Variants in IQCH observed in about 807,000 individuals in gnomAD.
The protein encoded by IQCH is IQ motif containing H.
A neutral mutation model predicts 117.0 loss-of-function variants in IQCH; 98 were observed. The ratio of observed to expected loss-of-function variants is 0.84; its 90% CI spans 0.71 to 0.99. The LOEUF is 0.99. Among genes scored for constraint, IQCH ranks in the 50% least tolerant of loss-of-function variants. The pLI, the probability that IQCH is intolerant of heterozygous loss-of-function variation, is 0.00. For synonymous variants in IQCH, 412 were observed against 448.2 expected (o/e 0.92, Z 1.02); for missense variants, 1,102 against 1,243.8 (o/e 0.89, Z 1.72).
rs1377348035 is a variant in IQCH at position 67,426,843 on chromosome 15, AAGC to A, written c.2505+5268_2505+5270del. ...ATTTTTAAAATAAACAAAATTAGCC[AAGC>A]ATAATGGCACTCATCTGTGATTCCA... On this transcript the variant is annotated intron_variant, in intron 16 of 20. Coordinates refer to ENST00000335894, the MANE Select transcript of IQCH (RefSeq NM_001031715.3). This position sits in a 1 kb window ranked among gnomAD's most constrained non-coding sequence, Gnocchi z 5.1. 4.2e-4 allele frequency among the ~76,000 whole-genome samples: 64 copies of A among 152,018 alleles called. 1 individual carries two copies. Among genetic ancestry groups the A allele is most frequent in the Admixed American group, 3.4e-3 (52 of 15,252 alleles).
At position 67,408,424 on chromosome 15, in the gene IQCH, C is replaced by G. The variant is rs1034454167; in HGVS notation, c.2097+8119C>G. On this transcript the variant is annotated intron_variant, in intron 14 of 20. Transcript: ENST00000335894. The surrounding 1 kb of genome is among the most constrained non-coding windows in gnomAD (Gnocchi z 4.2). ...TGACTGTGCCAGATCCAACAAAAAT[C>G]CTGACTTTGGAATTCACTAATTTAC... The G allele has an allele frequency of 6.6e-6, 1 of 152,188 alleles. No individual in the cohort carries two copies. The highest frequency in any genetic ancestry group is 1.5e-5 in the Non-Finnish European group (1 of 68,042). The allele number at this position is 152,188 out of a possible 1,614,324, so 9.4% of individuals were successfully genotyped here.
In IQCH at chr15:67,424,753, C is replaced by T. The variant is rs546498925; in HGVS notation, c.2505+3176C>T. ...TTTTCCTTGTCCCTTCCCATAAATA[C>T]TTCAGTATATGATCATTTGTGTTAT... On this transcript the variant is annotated intron_variant, in intron 16 of 20. Coordinates refer to ENST00000335894, the MANE Select transcript of IQCH (RefSeq NM_001031715.3). This position sits in a 1 kb window ranked among gnomAD's most constrained non-coding sequence, Gnocchi z 4.9. 1.3e-5 allele frequency among the ~76,000 whole-genome samples: 2 copies of T among 152,306 alleles called. No individual in the cohort carries two copies. Among genetic ancestry groups the T allele is most frequent in the East Asian group, 3.9e-4 (2 of 5,186 alleles).
Position 67,454,436 on chromosome 15 carries a change from C to T in IQCH, c.2506-10691C>T, listed in dbSNP as rs1277079622. Among the ~76,000 whole-genome samples the T allele has an allele frequency of 6.6e-6, 1 of 152,206 alleles. No individual in the cohort carries two copies. The highest frequency in any genetic ancestry group is 1.5e-5 in the Non-Finnish European group (1 of 68,036). On this transcript the variant is annotated intron_variant, in intron 16 of 20. Transcript: ENST00000335894. The surrounding 1 kb of genome is among the most constrained non-coding windows in gnomAD (Gnocchi z 5.2). ...CCTCCCAAAGTATTCAAAATTCACACTTTTAAAATATACATTACAATGGTT... is the reference window on the plus strand; with the variant it reads ...CCTCCCAAAGTATTCAAAATTCACATTTTTAAAATATACATTACAATGGTT...
rs1971032126 is a variant in IQCH, at chr15:67,384,158, A to G, written c.1373-778A>G. 1.3e-5 allele frequency among the ~76,000 whole-genome samples: 2 copies of G among 152,160 alleles called. No individual in the cohort carries two copies. Among genetic ancestry groups the G allele is most frequent in the African/African-American group, 4.8e-5 (2 of 41,444 alleles). ...AAAAAGTTACACCTACAGTTGTTGA[A>G]TTTCATATAAGCAGTTATACCTGCT... On this transcript the variant is annotated intron_variant, in intron 10 of 20. Coordinates refer to ENST00000335894, the MANE Select transcript of IQCH (RefSeq NM_001031715.3). The surrounding 1 kb of genome is among the most constrained non-coding windows in gnomAD (Gnocchi z 4.3).
At chr15:67,497,024 C>CAAAAAAAA (rs753821092) in intron 20 of IQCH, among the ~76,000 whole-genome samples, 1 of 35,822 alleles carries the variant, frequency 2.8e-5, no homozygotes, top group African/African-American at 1.0e-4. Context: ...GACTCCGTCT[C>CAAAAAAAA]AAAAAAAAAA....
At chr15:67,319,030 A>G (rs960998988) in intron 4 of IQCH, among the ~76,000 whole-genome samples, 1 of 152,182 alleles carries the variant, frequency 6.6e-6, no homozygotes, top group Admixed American at 6.5e-5. Flanking sequence ...GCTCGAGACC[A>G]TCCTGGCGAA....
chr15:67,484,815 C>G (rs1233587842), intron 18 of IQCH, among the ~76,000 whole-genome samples: 2 of 151,920 alleles, frequency 1.3e-5, no homozygotes, highest in Non-Finnish European at 2.9e-5. Context: ...CTCTACTGGT[C>G]TGCCAAAAAC....
rs1966971109 is a variant in IQCH, at chr15:67,300,463, T to A, written c.387+20951T>A. Among the ~76,000 whole-genome samples the A allele has an allele frequency of 2.6e-5, 4 of 152,338 alleles. No individual in the cohort carries two copies. In the South Asian group the frequency reaches 8.3e-4, roughly 32 times the overall value. On this transcript the variant is annotated intron_variant, in intron 4 of 20. Coordinates refer to ENST00000335894, the MANE Select transcript of IQCH (RefSeq NM_001031715.3). ...ACTTGACGTCTATTGTTCTTCATAT[T>A]ACCTAAGACAGTGGTTGAGAGAATG...
intron 16 of IQCH, among the ~76,000 whole-genome samples, chr15:67,428,847 CAA>C (rs541782495): frequency 3.2e-4 from 26 of 81,184 alleles, no homozygotes; most frequent in Admixed American, 5.4e-4. Flanking sequence ...GACTCTGTCT[CAA>C]AAAAAAAAAA....
intron 13 of IQCH, among the ~76,000 whole-genome samples, chr15:67,399,545 C>G (rs1451657299): frequency 6.6e-6 from 1 of 152,160 alleles, no homozygotes; most frequent in Non-Finnish European, 1.5e-5. Context: ...CTTTATCTGT[C>G]TTGTTCTAAA....
chr15:67,277,891 A>G (rs1966195671), intron 3 of IQCH, among the ~76,000 whole-genome samples: 1 of 152,124 alleles, frequency 6.6e-6, no homozygotes, highest in African/African-American at 2.4e-5. Flanking sequence ...GTTTCCTTAG[A>G]AACCCCTTCT....
intron 1 of IQCH, among the ~76,000 whole-genome samples, chr15:67,258,896 G>T (rs931088096): frequency 6.6e-6 from 1 of 152,120 alleles, no homozygotes; most frequent in East Asian, 1.9e-4. Flanking sequence ...CCCAAGTCTG[G>T]TTAACTTTTT....
chr15:67,267,325 A>G (rs1965718214), intron 3 of IQCH, among the ~76,000 whole-genome samples: 1 of 152,114 alleles, frequency 6.6e-6, no homozygotes, highest in Non-Finnish European at 1.5e-5. Context: ...TTTTATTTGC[A>G]GTTTTCTTTC....
intron 15 of IQCH, among the ~76,000 whole-genome samples, chr15:67,420,603 G>T (rs1266597138): frequency 6.6e-6 from 1 of 152,162 alleles, no homozygotes; most frequent in Non-Finnish European, 1.5e-5. Context: ...CCACAAATTA[G>T]CCAGAAAGAT....
intron 8 of IQCH, among the ~76,000 whole-genome samples, chr15:67,363,338 C>T (rs1382301127): frequency 2.7e-5 from 4 of 150,200 alleles, no homozygotes; most frequent in South Asian, 2.1e-4. Flanking sequence ...CTAGTTCAAG[C>T]GATTCTCCTG....
rs890286146 is a variant in IQCH at position 67,481,751 on chromosome 15, T to C, written c.2799+5933T>C. On this transcript the variant is annotated intron_variant, in intron 18 of 20. Transcript: ENST00000335894. The surrounding 1 kb of genome is among the most constrained non-coding windows in gnomAD (Gnocchi z 4.1). ...AAGAAGTATCTAGAAAAGAACTCCA[T>C]GTTGTAGCTATTGCTACTTGTAGCT... is the stretch of plus-strand genomic sequence containing the variant. Among the ~76,000 whole-genome samples, 1 of 152,360 alleles carries C rather than the reference T, an allele frequency of 6.6e-6. No individual in the cohort carries two copies. The highest frequency in any genetic ancestry group is 1.9e-4 in the East Asian group (1 of 5,196).
rs1227762963 is a variant in IQCH, at chr15:67,476,327, G to A, written c.2799+509G>A. On this transcript the variant is annotated intron_variant, in intron 18 of 20. Transcript: ENST00000335894. This position sits in a 1 kb window ranked among gnomAD's most constrained non-coding sequence, Gnocchi z 4.1. ...AGGGCCTGCTTCCTGGCTTGTAAATGGCTGCCTCCTTGCGGTGTCCTCACA... is the reference window on the plus strand; with the variant it reads ...AGGGCCTGCTTCCTGGCTTGTAAATAGCTGCCTCCTTGCGGTGTCCTCACA... Among the ~76,000 whole-genome samples, 2 of 152,214 alleles carry A rather than the reference G, an allele frequency of 1.3e-5. No homozygotes were observed. Among genetic ancestry groups the A allele is most frequent in the African/African-American group, 2.4e-5 (1 of 41,454 alleles).
At chr15:67,379,745 G>A (rs1392174495) in intron 10 of IQCH, among the ~76,000 whole-genome samples, 2 of 152,126 alleles carry the variant, frequency 1.3e-5, no homozygotes, top group Non-Finnish European at 2.9e-5. Context: ...ATGTGAAGAA[G>A]GTCTTTGTTT....
intron 3 of IQCH, among the ~76,000 whole-genome samples, chr15:67,269,949 A>T (rs1567052346): frequency 6.6e-6 from 1 of 152,158 alleles, no homozygotes; most frequent in Non-Finnish European, 1.5e-5. Flanking sequence ...TAAACATGGG[A>T]CTGGAAATCT....
Sources: allele counts gnomAD v4.1 joint callset (sites outside exome capture counted in the v4.1 genomes callset), GRCh38; gene constraint gnomAD v4.1.1; non-coding constraint Gnocchi (gnomAD v3.1); transcripts MANE v1.5; gene names NCBI Gene and HGNC (gene_info 2026-07-23, HGNC 2026-07-21).